The following EVC2 variants were observed in gnomAD, a reference collection of about 807,000 sequenced individuals.
EVC2 encodes EvC ciliary complex subunit 2, also known as limbin.
EVC2 carries 148 observed loss-of-function variants against 149.3 expected under a neutral mutation model. That is an observed-to-expected ratio of 0.99 (90% CI 0.87 to 1.14). The LOEUF is 1.14. Ranked by LOEUF, EVC2 falls within the 50% of genes most tolerant of loss-of-function variation. EVC2 has a pLI of 0.00. For missense variants in EVC2, 1,854 were observed against 1,627.3 expected (o/e 1.14, Z -2.40); for synonymous variants, 776 against 649.9 (o/e 1.19, Z -2.95).
chr4:5,645,183 G>A (rs1028752938), intron 9 of EVC2, among the ~76,000 whole-genome samples: 3 of 151,710 alleles, frequency 2.0e-5, no homozygotes, highest in Non-Finnish European at 4.4e-5. Context: ...GGTTCAAGTG[G>A]TGCCAACATG....
chr4:5,602,169 C>G (rs369845584), intron 16 of EVC2, among the ~76,000 whole-genome samples: 3 of 151,468 alleles, frequency 2.0e-5, no homozygotes, highest in African/African-American at 7.3e-5. Context: ...TGCCTGTAAT[C>G]CCAGCTACCT....
At position 5,615,407 on chromosome 4, in the gene EVC2, A is replaced by G. The variant is rs1715169811; in HGVS notation, c.2829+15T>C. 1 of 1,614,038 alleles carries G rather than the reference A, an allele frequency of 6.2e-7. No homozygotes were observed. Among genetic ancestry groups the G allele is most frequent in the African/African-American group, 1.3e-5 (1 of 74,926 alleles). ...TGTGCAGAGAGAAACAGCTGGGTGA[A>G]GCAGATGTACTGACCTTTTCCACCA... On this transcript the variant is annotated intron_variant, in intron 16 of 21. Coordinates refer to ENST00000344408, the MANE Select transcript of EVC2 (RefSeq NM_147127.5).
chr4:5,658,033 C>G (rs1191350202), intron 9 of EVC2, among the ~76,000 whole-genome samples: 1 of 152,190 alleles, frequency 6.6e-6, no homozygotes, highest in Non-Finnish European at 1.5e-5. Context: ...GATTCTTTAA[C>G]AGAGCCCCTT....
At chr4:5,540,796 C>T (rs1047761852), downstream of EVC2, among the ~76,000 whole-genome samples, 11 of 152,198 alleles carry the variant, frequency 7.2e-5, no homozygotes, top group Non-Finnish European at 1.3e-4. Context: ...TATATCTTAA[C>T]TATGTGCGAT....
At chr4:5,544,821 A>G (rs983134442) in intron 21 of EVC2, among the ~76,000 whole-genome samples, 7 of 152,132 alleles carry the variant, frequency 4.6e-5, no homozygotes, top group Admixed American at 1.3e-4. Flanking sequence ...CGGTTTCTCA[A>G]CCTGTTCCTC....
At chr4:5,593,765 G>C (rs1216828849) in intron 16 of EVC2, among the ~76,000 whole-genome samples, 3 of 152,148 alleles carry the variant, frequency 2.0e-5, no homozygotes, top group African/African-American at 7.2e-5. Flanking sequence ...AGCAGGGAGA[G>C]GCATTGCCTC....
At chr4:5,591,432 G>A (rs1231663088) in intron 16 of EVC2, among the ~76,000 whole-genome samples, 3 of 151,872 alleles carry the variant, frequency 2.0e-5, no homozygotes, top group Middle Eastern at 3.4e-3. Context: ...GGGTTTTCAC[G>A]TTATCCTTGT....
At position 5,637,023 on chromosome 4, in the gene EVC2, C is replaced by T. The variant is rs560641031; in HGVS notation, c.1470+3491G>A. On this transcript the variant is annotated intron_variant, in intron 10 of 21. Transcript: ENST00000344408. This position sits in a 1 kb window ranked among gnomAD's most constrained non-coding sequence, Gnocchi z 4.4. The stretch of plus-strand genomic sequence containing the variant: ...CCTAGGACATCCGGAGTGATGGTGC[C>T]TGCCCAATACACGCTGGCTTGCAAG... 6.6e-6 allele frequency among the ~76,000 whole-genome samples: 1 copy of T among 152,118 alleles called. No homozygotes were observed. Among genetic ancestry groups the T allele is most frequent in the Non-Finnish European group, 1.5e-5 (1 of 68,028 alleles).
intron 9 of EVC2, among the ~76,000 whole-genome samples, chr4:5,648,077 T>C (rs1164236559): frequency 6.6e-6 from 1 of 152,204 alleles, no homozygotes; most frequent in East Asian, 1.9e-4. Flanking sequence ...CATGTGATAA[T>C]TTAATACATT....
chr4:5,624,837 T>C lies in EVC2; in HGVS notation c.2046+912A>G, dbSNP rs1560174432. 2.6e-5 allele frequency among the ~76,000 whole-genome samples: 4 copies of C among 152,294 alleles called. 1 individual carries two copies. The highest frequency in any genetic ancestry group is 4.1e-4 in the South Asian group (2 of 4,828). On this transcript the variant is annotated intron_variant, in intron 13 of 21. Transcript: ENST00000344408. Reference sequence around the variant, plus strand: ...TTGGTAGTAAAGAGCAGAGTTTCTATTGATCAAATTTGAAAGTTATTCTTC... The same window carrying C: ...TTGGTAGTAAAGAGCAGAGTTTCTACTGATCAAATTTGAAAGTTATTCTTC...
At chr4:5,543,099 T>C in exon 22 of EVC2, 1 of 1,279,704 alleles carries the variant, frequency 7.8e-7, no homozygotes, top group Non-Finnish European at 1.0e-6. Flanking sequence ...AGGTAACTCA[T>C]CTATGTTTGG....
At chr4:5,694,975 C>T (rs1255647821) in intron 2 of EVC2, among the ~76,000 whole-genome samples, 1 of 152,130 alleles carries the variant, frequency 6.6e-6, no homozygotes, top group African/African-American at 2.4e-5. Flanking sequence ...AGAGTAAGCC[C>T]TCAGTGAACA....
At chr4:5,641,636 C>T (rs567992511) in intron 9 of EVC2, among the ~76,000 whole-genome samples, 8 of 151,462 alleles carry the variant, frequency 5.3e-5, no homozygotes, top group Admixed American at 1.3e-4. Flanking sequence ...CTCTATAAAG[C>T]GAAGGAAAGC....
At chr4:5,537,901 C>G (rs942939545), downstream of EVC2, among the ~76,000 whole-genome samples, 9 of 151,740 alleles carry the variant, frequency 5.9e-5, no homozygotes, top group Middle Eastern at 3.4e-3. Context: ...GCATCTTAAA[C>G]CTAAAGTAAG....
chr4:5,708,572 G>T, upstream of EVC2: 1 of 1,263,016 alleles, frequency 7.9e-7, no homozygotes, highest in South Asian at 1.8e-5. Flanking sequence ...TGGAGCTTCC[G>T]GACCCCAGGC....
intron 3 of EVC2, 60 bp from the exon 4 acceptor site, chr4:5,691,393 A>G: frequency 3.6e-6 from 5 of 1,374,946 alleles, no homozygotes; most frequent in African/African-American, 1.4e-5. Context: ...TACATATTTA[A>G]TAAAAGTACA....
intron 7 of EVC2, among the ~76,000 whole-genome samples, chr4:5,674,766 C>CTCAT (rs2151717471): frequency 6.6e-6 from 1 of 152,138 alleles, no homozygotes; most frequent in Non-Finnish European, 1.5e-5. Context: ...GAATGGAGGC[C>CTCAT]CCTCAAGAAT....
intron 16 of EVC2, among the ~76,000 whole-genome samples, chr4:5,594,825 A>G (rs1342449921): frequency 2.0e-5 from 3 of 152,184 alleles, no homozygotes; most frequent in African/African-American, 7.2e-5. Flanking sequence ...ACTTTGAAAA[A>G]AATTTAGGCG....
chr4:5,578,150 G>T (rs1472921472), intron 17 of EVC2, among the ~76,000 whole-genome samples: 1 of 152,164 alleles, frequency 6.6e-6, no homozygotes, highest in Non-Finnish European at 1.5e-5. Flanking sequence ...CTTGGTTCTG[G>T]AATTGTCTTC....
Sources: gnomAD v4.1 joint callset for allele counts (sites outside exome capture counted in the v4.1 genomes callset) on GRCh38, gnomAD v4.1.1 for gene constraint, Gnocchi (gnomAD v3.1) non-coding constraint, MANE v1.5 for transcripts, NCBI Gene and HGNC (gene_info 2026-07-23, HGNC 2026-07-21) for gene names.